SLMAP: variants seen among roughly 807,000 people sequenced by gnomAD.
SLMAP encodes the protein sarcolemma associated protein.
Under a neutral mutation model 128.8 loss-of-function variants are expected in SLMAP, and 44 were observed. The ratio of observed to expected loss-of-function variants is 0.34; its 90% CI spans 0.27 to 0.44. SLMAP has a LOEUF of 0.44. SLMAP is among the 20% of genes least tolerant of loss of function. The pLI, the probability that SLMAP is intolerant of heterozygous loss-of-function variation, is 1.00. For synonymous variants in SLMAP, 327 were observed against 348.8 expected, an observed-to-expected ratio of 0.94 and a Z score of 0.70; for missense variants, 787 against 985.3, an observed-to-expected ratio of 0.80 and a Z score of 2.69.
At chr3:57,773,103 A>G (rs1196616552) in intron 2 of SLMAP, among the ~76,000 whole-genome samples, 1 of 152,220 alleles carries the variant, frequency 6.6e-6, no homozygotes, top group Admixed American at 6.5e-5. Context: ...GCCTCCCACC[A>G]AGTTGGATAA....
chr3:57,782,284 A>G (rs1410189735), intron 2 of SLMAP, among the ~76,000 whole-genome samples: 1 of 152,126 alleles, frequency 6.6e-6, no homozygotes, highest in African/African-American at 2.4e-5. Context: ...ATTCTTTTTA[A>G]AATTACTTTT....
chr3:57,865,324 T>A (rs1243503718), intron 13 of SLMAP, 32 bp downstream of exon 13: 2 of 891,758 alleles, frequency 2.2e-6, no homozygotes, highest in Non-Finnish European at 3.4e-6. Context: ...TATATATACT[T>A]TTTATGATAT....
intron 21 of SLMAP, among the ~76,000 whole-genome samples, chr3:57,915,159 C>A (rs551962273): frequency 6.6e-6 from 1 of 152,176 alleles, no homozygotes; most frequent in Non-Finnish European, 1.5e-5. Flanking sequence ...TAAGCCACTG[C>A]CCTCGGCCGA....
intron 13 of SLMAP, among the ~76,000 whole-genome samples, chr3:57,869,016 TATA>T (rs1257923128): frequency 7.2e-6 from 1 of 139,360 alleles, no homozygotes; most frequent in East Asian, 2.0e-4. Flanking sequence ...TAATATATAT[TATA>T]TGTGTATTAT....
intron 2 of SLMAP, among the ~76,000 whole-genome samples, chr3:57,822,008 G>A (rs912004561): frequency 1.3e-5 from 2 of 151,780 alleles, no homozygotes; most frequent in African/African-American, 4.8e-5. Context: ...AACTGATTAT[G>A]CCTAACTGTA....
At chr3:57,844,354 A>G (rs2094135884) in intron 4 of SLMAP, among the ~76,000 whole-genome samples, 1 of 151,880 alleles carries the variant, frequency 6.6e-6, no homozygotes, top group Non-Finnish European at 1.5e-5. Context: ...AAATCAGACC[A>G]CTTCACTTCA....
intron 2 of SLMAP, among the ~76,000 whole-genome samples, chr3:57,793,520 G>A (rs564924135): frequency 1.6e-4 from 25 of 152,184 alleles, no homozygotes; most frequent in African/African-American, 6.0e-4. Flanking sequence ...CATTACCTCA[G>A]CCTATTTAGA....
chr3:57,904,770 C>T (rs963198856), intron 17 of SLMAP, among the ~76,000 whole-genome samples: 3 of 152,014 alleles, frequency 2.0e-5, no homozygotes, highest in African/African-American at 7.2e-5. Context: ...GGGTGTGGGC[C>T]AGGGTGGAGG....
At chr3:57,822,466 A>T (rs1466866078) in intron 2 of SLMAP, among the ~76,000 whole-genome samples, 1 of 152,222 alleles carries the variant, frequency 6.6e-6, no homozygotes. Context: ...GCTCGCATGA[A>T]CTGTCTGAAG....
At chr3:57,772,829 A>AG (rs1438418349) in intron 2 of SLMAP, among the ~76,000 whole-genome samples, 1 of 151,820 alleles carries the variant, frequency 6.6e-6, no homozygotes, top group African/African-American at 2.4e-5. Context: ...TAGTAGAGAC[A>AG]GGGTTTCTCC....
intron 2 of SLMAP, among the ~76,000 whole-genome samples, chr3:57,768,673 C>G (rs1275931826): frequency 6.6e-6 from 1 of 152,064 alleles, no homozygotes; most frequent in Non-Finnish European, 1.5e-5. Flanking sequence ...TTCACTTGAC[C>G]AACTTTTGGT....
In SLMAP at chr3:57,838,808, C is replaced by T. The variant is rs576231194; in HGVS notation, c.347-2491C>T. Reference sequence around the variant, plus strand: ...TGTGAAAGGTAAAGTGCTTGGAGATCGCAGGTAGCTTGGCTTTGTATAGGA... The same window carrying T: ...TGTGAAAGGTAAAGTGCTTGGAGATTGCAGGTAGCTTGGCTTTGTATAGGA... On this transcript the variant is annotated intron_variant, in intron 3 of 24. Transcript: ENST00000671191. Among the ~76,000 whole-genome samples the T allele has an allele frequency of 1.4e-4, 22 of 152,162 alleles. 1 individual carries two copies. Among genetic ancestry groups the T allele is most frequent in the South Asian group, 8.3e-4 (4 of 4,820 alleles).
At chr3:57,767,305 G>C (rs1449668126) in intron 2 of SLMAP, among the ~76,000 whole-genome samples, 2 of 152,212 alleles carry the variant, frequency 1.3e-5, no homozygotes, top group African/African-American at 4.8e-5. Context: ...ACTCTTGAGA[G>C]CAAGAGAATA....
At chr3:57,858,029 A>G in intron 7 of SLMAP, 59 bp from the exon 8 acceptor site, 2 of 1,136,236 alleles carry the variant, frequency 1.8e-6, no homozygotes, top group Non-Finnish European at 2.6e-6. Context: ...ACCTTTTTTT[A>G]TATACATGTG....
At chr3:57,838,764 T>C (rs2093764317) in intron 3 of SLMAP, among the ~76,000 whole-genome samples, 1 of 152,120 alleles carries the variant, frequency 6.6e-6, no homozygotes, top group African/African-American at 2.4e-5. Flanking sequence ...AGGGACAGCC[T>C]GTGTAAAAGG....
chr3:57,762,796 A>G (rs186108404), intron 2 of SLMAP, among the ~76,000 whole-genome samples: 1 of 146,816 alleles, frequency 6.8e-6, no homozygotes, highest in African/African-American at 2.6e-5. Flanking sequence ...GCTCACTGCA[A>G]CCTCTCCCTC....
At chr3:57,782,497 C>T (rs549719091) in intron 2 of SLMAP, among the ~76,000 whole-genome samples, 9 of 152,086 alleles carry the variant, frequency 5.9e-5, no homozygotes, top group Admixed American at 2.0e-4. Flanking sequence ...TTTGTTGAGA[C>T]GGTCTCACTC....
At chr3:57,790,787 C>T (rs764089499) in intron 2 of SLMAP, among the ~76,000 whole-genome samples, 2 of 151,876 alleles carry the variant, frequency 1.3e-5, no homozygotes, top group Admixed American at 1.3e-4. Flanking sequence ...GAAATTAAGT[C>T]GTTATTTTTA....
chr3:57,779,702 T>C (rs2082629125), intron 2 of SLMAP, among the ~76,000 whole-genome samples: 2 of 152,134 alleles, frequency 1.3e-5, no homozygotes, highest in Non-Finnish European at 2.9e-5. Flanking sequence ...TGAATACTTA[T>C]TTGATTCTCA....
Sources: gnomAD v4.1 joint callset for allele counts (sites outside exome capture counted in the v4.1 genomes callset) on GRCh38, gnomAD v4.1.1 for gene constraint, MANE v1.5 for transcripts, NCBI Gene and HGNC (gene_info 2026-07-23, HGNC 2026-07-21) for gene names.